Variants in USH2A observed in about 807,000 individuals in gnomAD.
USH2A encodes the protein Usher syndrome 2A (autosomal recessive, mild).
A neutral mutation model predicts 538.9 loss-of-function variants in USH2A; 443 were observed. The observed-to-expected ratio is 0.82, with a 90% CI of 0.76 to 0.89. The LOEUF (loss-of-function observed/expected upper bound fraction) is 0.89. Ranked by LOEUF, USH2A falls within the 40% of genes least tolerant of loss-of-function variation. The probability of loss-of-function intolerance (pLI) is 0.00; values close to 1 mark genes in which losing one functional copy is unlikely to be tolerated. For synonymous variants in USH2A, 2,413 were observed against 2,273.5 expected (o/e 1.06, Z -1.75); for missense variants, 6,633 against 6,324.8 (o/e 1.05, Z -1.65).
chr1:216,281,389 A>G (rs1558361451), intron 11 of USH2A, among the ~76,000 whole-genome samples: 1 of 152,134 alleles, frequency 6.6e-6, no homozygotes, highest in Non-Finnish European at 1.5e-5. Context: ...TGTTTTTAAA[A>G]CCAAAAAAGT....
chr1:215,669,277 C>T (rs1169526015), intron 64 of USH2A, among the ~76,000 whole-genome samples: 3 of 152,082 alleles, frequency 2.0e-5, no homozygotes, highest in Non-Finnish European at 2.9e-5. Context: ...AGCTTGATAA[C>T]GTGACACTTC....
rs1553294761 is a variant in USH2A at position 216,050,560 on chromosome 1, T to TTTTCTTTCCTTCTTTC, written c.6050-1914_6050-1913insGAAAGAAGGAAAGAAA. Among the ~76,000 whole-genome samples the TTTTCTTTCCTTCTTTC allele has an allele frequency of 1.8e-3, 64 of 35,706 alleles. 1 individual carries two copies. Among genetic ancestry groups the TTTTCTTTCCTTCTTTC allele is most frequent in the African/African-American group, 4.5e-3 (61 of 13,550 alleles). 23.4% of individuals were successfully genotyped at this position (35,706 alleles called of 152,430 possible). Reference sequence around the variant, plus strand: ...ACATGCTACTAGACAATTTGTATCTTTTTCTTTCTTTCTTTCTTTCTTTCT... The same window carrying TTTTCTTTCCTTCTTTC: ...ACATGCTACTAGACAATTTGTATCTTTTTCTTTCCTTCTTTCTTTCTTTCTTTCTTTCTTTCTTTCT... On this transcript the variant is annotated intron_variant, in intron 30 of 71. Coordinates refer to ENST00000307340, the MANE Select transcript of USH2A (RefSeq NM_206933.4).
chr1:215,988,378 G>A (rs1306731700), intron 35 of USH2A, among the ~76,000 whole-genome samples: 1 of 152,072 alleles, frequency 6.6e-6, no homozygotes, highest in Non-Finnish European at 1.5e-5. Context: ...TCTTTTTAAG[G>A]CCGAGTGATA....
In USH2A at chr1:216,286,597, A is replaced by G. The variant is rs114032972; in HGVS notation, c.1971+2683T>C. Among the ~76,000 whole-genome samples, 755 of 152,160 alleles carry G rather than the reference A, an allele frequency of 5.0e-3. 7 individuals are homozygous for G. The highest frequency in any genetic ancestry group is 0.018 in the African/African-American group (735 of 41,518). On this transcript the variant is annotated intron_variant, in intron 11 of 71. Coordinates refer to ENST00000307340, the MANE Select transcript of USH2A (RefSeq NM_206933.4). ...AAATTAGCCAGGCATGGTGGTGAGC[A>G]TCTGCAATCCTAGCTGTTCAGGAGG... is the stretch of plus-strand genomic sequence containing the variant.
At chr1:215,816,260 CA>C (rs758630643) in intron 48 of USH2A, among the ~76,000 whole-genome samples, 4 of 151,888 alleles carry the variant, frequency 2.6e-5, no homozygotes, top group Non-Finnish European at 4.4e-5. Context: ...GTCTAAGTAT[CA>C]AAAAATGCAC....
At chr1:216,375,515 G>A (rs2038800932) in intron 3 of USH2A, among the ~76,000 whole-genome samples, 3 of 152,126 alleles carry the variant, frequency 2.0e-5, no homozygotes, top group Non-Finnish European at 4.4e-5. Flanking sequence ...TTCACATAAT[G>A]GAATAGTTAG....
chr1:215,647,387 A>G, intron 67 of USH2A, 135 bp downstream of exon 67: 1 of 1,095,950 alleles, frequency 9.1e-7, no homozygotes, highest in Non-Finnish European at 1.4e-6. Flanking sequence ...CATCCTCATC[A>G]ATGCTTCAGT....
chr1:216,286,890 A>C (rs1025357653), intron 11 of USH2A, among the ~76,000 whole-genome samples: 1 of 152,216 alleles, frequency 6.6e-6, no homozygotes, highest in African/African-American at 2.4e-5. Context: ...AATTAACACC[A>C]GTTCTGCATT....
chr1:215,727,672 C>T (rs1021807920), intron 61 of USH2A, among the ~76,000 whole-genome samples: 1 of 151,974 alleles, frequency 6.6e-6, no homozygotes, highest in African/African-American at 2.4e-5. Context: ...CTGTGGTGAG[C>T]TGAGACCACG....
chr1:215,898,234 T>C (rs896526893), intron 40 of USH2A, among the ~76,000 whole-genome samples: 1 of 152,176 alleles, frequency 6.6e-6, no homozygotes, highest in Non-Finnish European at 1.5e-5. Flanking sequence ...TTTATTCAAG[T>C]GTTACTAATT....
At chr1:215,851,791 A>G (rs1664023279) in intron 44 of USH2A, among the ~76,000 whole-genome samples, 1 of 152,100 alleles carries the variant, frequency 6.6e-6, no homozygotes. Flanking sequence ...AATCCTTAAC[A>G]AAATACTAGA....
At chr1:216,343,400 C>T (rs891891090) in intron 4 of USH2A, among the ~76,000 whole-genome samples, 7 of 148,504 alleles carry the variant, frequency 4.7e-5, no homozygotes, top group Admixed American at 4.0e-4. Flanking sequence ...ATTAGCCAGG[C>T]ATGGTGGTGT....
At chr1:216,022,152 C>A (rs140225015) in intron 32 of USH2A, among the ~76,000 whole-genome samples, 2 of 152,160 alleles carry the variant, frequency 1.3e-5, no homozygotes, top group Non-Finnish European at 2.9e-5. Flanking sequence ...TCCTGTACAG[C>A]CTCCAGAACC....
intron 61 of USH2A, among the ~76,000 whole-genome samples, chr1:215,709,194 T>G (rs138519640): frequency 3.5e-4 from 54 of 152,300 alleles, no homozygotes; most frequent in Non-Finnish European, 6.3e-4. Flanking sequence ...AATCTTTCAG[T>G]GTGTATTGTG....
intron 4 of USH2A, among the ~76,000 whole-genome samples, chr1:216,354,974 C>T (rs1013924814): frequency 9.9e-5 from 15 of 152,042 alleles, no homozygotes; most frequent in Non-Finnish European, 2.2e-4. Context: ...AAACTGATAA[C>T]ATGAAAGATA....
intron 61 of USH2A, among the ~76,000 whole-genome samples, chr1:215,682,996 C>G (rs972114918): frequency 2.6e-5 from 4 of 151,934 alleles, no homozygotes; most frequent in African/African-American, 7.3e-5. Context: ...GTAGCCGGGA[C>G]TACAGTCATG....
At chr1:216,134,572 T>A (rs938460329) in intron 21 of USH2A, among the ~76,000 whole-genome samples, 92 of 152,228 alleles carry the variant, frequency 6.0e-4, no homozygotes, top group Non-Finnish European at 1.0e-3. Context: ...TGAAACCAAT[T>A]TTGTCAAATC....
intron 52 of USH2A, among the ~76,000 whole-genome samples, chr1:215,783,370 A>G (rs1431547591): frequency 6.6e-6 from 1 of 152,190 alleles, no homozygotes; most frequent in Non-Finnish European, 1.5e-5. Context: ...AAAATTTTAA[A>G]TCATATGGAT....
rs187208711 is a variant in USH2A, at chr1:216,084,891, T to C, written c.4988-14A>G. On this transcript the variant is annotated splice_polypyrimidine_tract_variant and intron_variant, in intron 24 of 71. Transcript: ENST00000307340. ...TTTGGATTATCTCTGCAGGAGTTTA[T>C]AGATATCAAGAAATATATATTTTGA... 3 of 1,609,390 alleles carry C rather than the reference T, an allele frequency of 1.9e-6. No individual in the cohort carries two copies. Among genetic ancestry groups the C allele is most frequent in the East Asian group, 2.2e-5 (1 of 44,824 alleles).
Sources: gnomAD v4.1 joint callset for allele counts (sites outside exome capture counted in the v4.1 genomes callset) on GRCh38, gnomAD v4.1.1 for gene constraint, MANE v1.5 for transcripts, NCBI Gene and HGNC (gene_info 2026-07-23, HGNC 2026-07-21) for gene names.